The following BTNL3 variants were observed in gnomAD, a reference collection of about 807,000 sequenced individuals.
The protein encoded by BTNL3 is butyrophilin-like protein 3.
In BTNL3, 20 loss-of-function variants were observed where a neutral mutation model predicts 40.1. The observed-to-expected ratio is 0.50, with a 90% CI of 0.35 to 0.72. The LOEUF is 0.72. Among genes scored for constraint, BTNL3 ranks in the 30% least tolerant of loss-of-function variants. BTNL3 has a pLI of 0.01. For synonymous variants in BTNL3, 179 were observed against 222.1 expected (o/e 0.81, Z 1.73); for missense variants, 449 against 582.2 (o/e 0.77, Z 2.35).
At position 181,006,116 on chromosome 5, in the gene BTNL3, AGTG is replaced by A. The variant is rs1212156164; in HGVS notation, c.*246_*248del. 5.3e-5 allele frequency: 26 copies of A among 495,028 alleles called. No individual in the cohort carries two copies. Among genetic ancestry groups the A allele is most frequent in the African/African-American group, 4.1e-4 (21 of 51,758 alleles). 30.7% of individuals were successfully genotyped at this position (495,028 alleles called of 1,614,324 possible). On this transcript the variant is annotated 3_prime_UTR_variant, in exon 8 of 8. Coordinates refer to ENST00000342868, the MANE Select transcript of BTNL3 (RefSeq NM_197975.3). ...GAGTCAGAAGCCATGGCTGCCCTGA[AGTG>A]GGGACGGAATAGACTCACATTAGGT...
intron 2 of BTNL3, among the ~76,000 whole-genome samples, chr5:180,994,468 C>T (rs965210180): frequency 2.9e-5 from 4 of 136,506 alleles, no homozygotes; most frequent in African/African-American, 1.0e-4. Flanking sequence ...TTGGTGTTTT[C>T]TTTATTTTCA....
rs769579569 is a variant in BTNL3 at position 180,997,362 on chromosome 5, G to A, written c.547G>A (p.Ala183Thr). Residue 183 changes from alanine to threonine, a missense_variant, in exon 3 of 8, where the codon GCA becomes ACA. By Grantham distance (58) the Ala-to-Thr change is moderately conservative (BLOSUM62 0). This residue lies in a region of BTNL3 where 323 missense variants were observed against 464.9 expected (regional missense o/e 0.69). Transcript: ENST00000342868. Reference protein sequence around the residue: ...QDLSSDSRANADGYSLYDVEI... With the variant: ...QDLSSDSRANTDGYSLYDVEI... ...TTTGTCTTCAGACTCCAGAGCAAAT[G>A]CAGATGGGTACAGCCTGTATGATGT... The A allele has an allele frequency of 4.8e-6, 7 of 1,464,420 alleles. 2 individuals carry two copies. The highest frequency in any genetic ancestry group is 6.6e-6 in the Non-Finnish European group (7 of 1,059,334). The allele number at this position is 1,464,420 out of a possible 1,614,324, so 90.7% of individuals were successfully genotyped here.
Position 181,005,596 on chromosome 5 carries a change from T to C in BTNL3, c.1125T>C (p.Asn375=), listed in dbSNP as rs1382783379. Reference sequence around the variant, plus strand: ...ACAATGTGACTTTGTCTCCCAACAATGGGTATTGGGTCCTCAGACTGACAA... The same window carrying C: ...ACAATGTGACTTTGTCTCCCAACAACGGGTATTGGGTCCTCAGACTGACAA... The part of the protein sequence containing the change: ...GKNNVTLSPN[N]GYWVLRLTTE... The change falls in exon 8 of 8, where the codon AAT becomes AAC. Residue 375 remains asparagine, a synonymous_variant. Transcript: ENST00000342868. 6.2e-7 allele frequency: 1 copy of C among 1,613,930 alleles called. No homozygotes were observed. Among genetic ancestry groups the C allele is most frequent in the Non-Finnish European group, 8.5e-7 (1 of 1,179,974 alleles).
In BTNL3 at chr5:180,990,805, C is replaced by A. The variant is rs867787002; in HGVS notation, c.49+1728C>A. ...GACAGGGTGCAGAGAGTGAAGCCAGCGGGAGGTAAGCCATAGAGGGTGCGC... is the reference window on the plus strand; with the variant it reads ...GACAGGGTGCAGAGAGTGAAGCCAGAGGGAGGTAAGCCATAGAGGGTGCGC... On this transcript the variant is annotated intron_variant, in intron 1 of 7. Coordinates refer to ENST00000342868, the MANE Select transcript of BTNL3 (RefSeq NM_197975.3). Among the ~76,000 whole-genome samples the A allele has an allele frequency of 2.2e-5, 3 of 136,352 alleles. 1 individual carries two copies. The highest frequency in any genetic ancestry group is 5.0e-5 in the Non-Finnish European group (3 of 59,564). 89.5% of individuals were successfully genotyped at this position (136,352 alleles called of 152,430 possible).
chr5:181,006,114 G>A lies in BTNL3; in HGVS notation c.*242G>A. ...GGGAGTCAGAAGCCATGGCTGCCCT[G>A]AAGTGGGGACGGAATAGACTCACAT... On this transcript the variant is annotated 3_prime_UTR_variant, in exon 8 of 8. Coordinates refer to ENST00000342868, the MANE Select transcript of BTNL3 (RefSeq NM_197975.3). The A allele has an allele frequency of 2.0e-6, 1 of 495,854 alleles. No individual in the cohort carries two copies. The highest frequency in any genetic ancestry group is 3.5e-6 in the Non-Finnish European group (1 of 285,448). The allele number at this position is 495,854 out of a possible 1,614,324, so 30.7% of individuals were successfully genotyped here. A position where few individuals can be genotyped will look rare whatever the true frequency, so the allele number is the denominator to read the frequency against.
chr5:181,005,828 G>C lies in BTNL3; in HGVS notation c.1357G>C (p.Glu453Gln). ...PYIQHAMYDEEKGTPIFICPV... is the reference protein window; with the variant it reads ...PYIQHAMYDEQKGTPIFICPV... The stretch of plus-strand genomic sequence containing the variant: ...TATCCAGCATGCGATGTATGACGAG[G>C]AAAAGGGGACTCCCATATTCATATG... Residue 453 changes from glutamate (E) to glutamine (Q), a missense_variant, in exon 8 of 8, where the codon GAA becomes CAA. Transcript: ENST00000342868. The C allele has an allele frequency of 6.2e-7, 1 of 1,613,520 alleles. No individual in the cohort carries two copies. The highest frequency in any genetic ancestry group is 8.5e-7 in the Non-Finnish European group (1 of 1,179,722).
In BTNL3 at chr5:181,002,682, C is replaced by T. The variant is rs1340288932; in HGVS notation, c.684C>T (p.Phe228=). The T allele has an allele frequency of 1.4e-6, 2 of 1,453,824 alleles. No homozygotes were observed. The highest frequency in any genetic ancestry group is 3.8e-5 in the Admixed American group (2 of 52,336). 90.1% of individuals were successfully genotyped at this position (1,453,824 alleles called of 1,614,324 possible). A position where few individuals can be genotyped will look rare whatever the true frequency, so the allele number is the denominator to read the frequency against. The change falls in exon 4 of 8, where the codon TTC becomes TTT. Residue 228 remains phenylalanine, a synonymous_variant. Coordinates refer to ENST00000342868, the MANE Select transcript of BTNL3 (RefSeq NM_197975.3). ...ESKVLIGETF[F]QPSPWRLASI... is the part of the protein sequence containing the mutation. ...GGGACTGTTTTTCAGAGACGTTTTT[C>T]CAGCCCTCACCTTGGCGCCTGGCTT...
chr5:181,005,266 A>T (rs1174047603), intron 7 of BTNL3, 68 bp from the exon 8 acceptor site: 3 of 1,593,100 alleles, frequency 1.9e-6, no homozygotes, highest in African/African-American at 1.3e-5. Flanking sequence ...GGGAGGGTCG[A>T]CCTCTTGCTC....
rs1399037189 is a variant in BTNL3, at chr5:180,998,417, A to G, written c.673+929A>G. Among the ~76,000 whole-genome samples the G allele has an allele frequency of 1.5e-5, 2 of 137,140 alleles. 1 individual carries two copies. The highest frequency in any genetic ancestry group is 1.5e-4 in the Admixed American group (2 of 12,956). 90.0% of individuals were successfully genotyped at this position (137,140 alleles called of 152,430 possible). Reference sequence around the variant, plus strand: ...GGTCATACTTCGAGTTCTAAAATTGATTAAATAAGTAGACAAAATGAGTAA... The same window carrying G: ...GGTCATACTTCGAGTTCTAAAATTGGTTAAATAAGTAGACAAAATGAGTAA... On this transcript the variant is annotated intron_variant, in intron 3 of 7. Transcript: ENST00000342868.
intron 2 of BTNL3, among the ~76,000 whole-genome samples, chr5:180,996,222 A>G (rs1760033415): frequency 7.3e-6 from 1 of 136,634 alleles, no homozygotes. Flanking sequence ...CCCTTCCTTG[A>G]TGTTCAGTCC....
intron 3 of BTNL3, among the ~76,000 whole-genome samples, chr5:181,001,502 G>C (rs981238234): frequency 1.6e-5 from 2 of 127,852 alleles, no homozygotes; most frequent in Non-Finnish European, 3.5e-5. Context: ...TTTATAGATG[G>C]GGGGGGGTCT....
In BTNL3 at chr5:180,999,496, T is replaced by C. The variant is rs565893151; in HGVS notation, c.673+2008T>C. Among the ~76,000 whole-genome samples the C allele has an allele frequency of 2.2e-5, 3 of 137,014 alleles. 1 individual carries two copies. Among genetic ancestry groups the C allele is most frequent in the Admixed American group, 7.7e-5 (1 of 12,974 alleles). 89.9% of individuals were successfully genotyped at this position (137,014 alleles called of 152,430 possible). The stretch of plus-strand genomic sequence containing the variant: ...ATTGAATATGATGAAGTGAAAGTTT[T>C]CATAGAAAAATGTAAAATACAGGAC... On this transcript the variant is annotated intron_variant, in intron 3 of 7. Transcript: ENST00000342868.
rs1330123299 is a variant in BTNL3, at chr5:181,005,595, A to G, written c.1124A>G (p.Asn375Ser). The G allele has an allele frequency of 1.9e-6, 3 of 1,613,996 alleles. No individual in the cohort carries two copies. Among genetic ancestry groups the G allele is most frequent in the South Asian group, 1.1e-5 (1 of 91,080 alleles). The change falls in exon 8 of 8, where the codon AAT (asparagine) becomes AGT (serine). Residue 375 changes from asparagine to serine, a missense_variant. By Grantham distance (46) the Asn-to-Ser change is conservative. Coordinates refer to ENST00000342868, the MANE Select transcript of BTNL3 (RefSeq NM_197975.3). Reference sequence around the variant, plus strand: ...AACAATGTGACTTTGTCTCCCAACAATGGGTATTGGGTCCTCAGACTGACA... The same window carrying G: ...AACAATGTGACTTTGTCTCCCAACAGTGGGTATTGGGTCCTCAGACTGACA... ...GKNNVTLSPN[N>S]GYWVLRLTTE...
rs1481829423 is a variant in BTNL3 at position 180,991,674 on chromosome 5, C to A, written c.50-1139C>A. On this transcript the variant is annotated intron_variant, in intron 1 of 7. Transcript: ENST00000342868. Reference sequence around the variant, plus strand: ...ATGGGGAATCCTGTGCTGAGGGAAACACACACACTCTGTCCTCATGAAGCT... The same window carrying A: ...ATGGGGAATCCTGTGCTGAGGGAAAAACACACACTCTGTCCTCATGAAGCT... Among the ~76,000 whole-genome samples the A allele has an allele frequency of 1.5e-5, 2 of 137,156 alleles. 1 individual carries two copies. The highest frequency in any genetic ancestry group is 4.3e-4 in the East Asian group (2 of 4,628). 90.0% of individuals were successfully genotyped at this position (137,156 alleles called of 152,430 possible). A position where few individuals can be genotyped will look rare whatever the true frequency, so the allele number is the denominator to read the frequency against.
rs755539975 is a variant in BTNL3, at chr5:181,005,303, C to T, written c.863-31C>T. On this transcript the variant is annotated intron_variant, in intron 7 of 7. Transcript: ENST00000342868. ...AGCCCAGATTTCGTCTTCAGTAACT[C>T]ATGCTTCCTCTCTCCCCCACCGCAC... The T allele has an allele frequency of 1.9e-6, 3 of 1,605,912 alleles. No homozygotes were observed. In the Admixed American group the frequency reaches 5.0e-5, roughly 27 times the overall value.
intron 1 of BTNL3, among the ~76,000 whole-genome samples, chr5:180,990,004 A>G (rs1759947517): frequency 7.4e-6 from 1 of 135,846 alleles, no homozygotes; most frequent in African/African-American, 2.5e-5. Context: ...TACTAAAAAC[A>G]CAAAAATTAG....
rs186490233 is a variant in BTNL3, at chr5:181,003,230, G to A, written c.787+445G>A. ...AAAAATAAAATAAAATAATTAGCTG[G>A]GTGTGGTGGTGCGTGACTGTGGTCC... On this transcript the variant is annotated intron_variant, in intron 4 of 7. Transcript: ENST00000342868. 7.5e-4 allele frequency among the ~76,000 whole-genome samples: 100 copies of A among 133,930 alleles called. 7 individuals carry two copies. The highest frequency in any genetic ancestry group is 2.5e-3 in the African/African-American group (97 of 39,110). The allele number at this position is 133,930 out of a possible 152,430, so 87.9% of individuals were successfully genotyped here.
At position 181,005,875 on chromosome 5, in the gene BTNL3, C is replaced by A. The variant is rs1025713868; in HGVS notation, c.*3C>A. The A allele has an allele frequency of 1.3e-5, 21 of 1,588,030 alleles. No homozygotes were observed. The Admixed American group carries it at 3.1e-4, about 24-fold the overall frequency. On this transcript the variant is annotated 3_prime_UTR_variant, in exon 8 of 8. Transcript: ENST00000342868. ...TATGTCCAGTGTCCTGGGGATGAGA[C>A]AGAGAAGACCCTGCTTAAAGGGCCC...
Position 181,003,295 on chromosome 5 carries a change from A to G in BTNL3, c.787+510A>G, listed in dbSNP as rs1171250817. ...GTTGAGATGGGAGGATGGCTTGAGCACAGGAGGTCAAGGCTTTAGTGAGCC... is the reference window on the plus strand; with the variant it reads ...GTTGAGATGGGAGGATGGCTTGAGCGCAGGAGGTCAAGGCTTTAGTGAGCC... On this transcript the variant is annotated intron_variant, in intron 4 of 7. Transcript: ENST00000342868. 1.5e-5 allele frequency among the ~76,000 whole-genome samples: 2 copies of G among 135,910 alleles called. 1 individual carries two copies. The highest frequency in any genetic ancestry group is 3.4e-5 in the Non-Finnish European group (2 of 59,582). 89.2% of individuals were successfully genotyped at this position (135,910 alleles called of 152,430 possible).
Sources: allele counts gnomAD v4.1 joint callset (sites outside exome capture counted in the v4.1 genomes callset), GRCh38; gene constraint gnomAD v4.1.1; regional missense constraint gnomAD v4.1.1; transcripts MANE v1.5; gene names NCBI Gene and HGNC (gene_info 2026-07-23, HGNC 2026-07-21).